Variants in ATP2C1 observed in about 807,000 individuals in gnomAD.
The protein encoded by ATP2C1 is ATPase secretory pathway Ca2+ transporting 1, also known as calcium-transporting ATPase type 2C member 1.
A neutral mutation model predicts 120.5 loss-of-function variants in ATP2C1; 31 were observed. That is an observed-to-expected ratio of 0.26 (90% CI 0.19 to 0.35). The LOEUF is 0.35. Among genes scored for constraint, ATP2C1 ranks in the 10% least tolerant of loss-of-function variants. The pLI, the probability that ATP2C1 is intolerant of heterozygous loss-of-function variation, is 1.00. For synonymous variants in ATP2C1, 351 were observed against 358.7 expected (o/e 0.98, Z 0.24); for missense variants, 731 against 1,107.5 (o/e 0.66, Z 4.83).
In ATP2C1 at chr3:130,959,218, G is replaced by T. The variant is rs2060712708; in HGVS notation, c.833-57G>T. 3.0e-6 allele frequency: 4 copies of T among 1,313,978 alleles called. 1 individual carries two copies. In the South Asian group the frequency reaches 4.8e-5, roughly 16 times the overall value. 81.4% of individuals were successfully genotyped at this position (1,313,978 alleles called of 1,614,324 possible). A position where few individuals can be genotyped will look rare whatever the true frequency, so the allele number is the denominator to read the frequency against. On this transcript the variant is annotated intron_variant, in intron 11 of 27. Transcript: ENST00000510168. ...GTTTTAGATTCCTTCAGCTTGTTCT[G>T]TTCCTTCTAGGTGATTGTATGTAAA...
intron 10 of ATP2C1, 55 bp downstream of exon 10, chr3:130,955,135 G>T (rs903483000): frequency 6.8e-6 from 8 of 1,177,930 alleles, no homozygotes; most frequent in Non-Finnish European, 8.9e-6. Flanking sequence ...ATTCTTCATT[G>T]TAAGTAGAGA....
chr3:130,955,827 C>T (rs1291330007), intron 10 of ATP2C1: 14 of 336,890 alleles, frequency 4.2e-5, no homozygotes, highest in South Asian at 4.0e-4. Flanking sequence ...GGAGGGAGAA[C>T]AGATTTTTCC....
intron 2 of ATP2C1, among the ~76,000 whole-genome samples, chr3:130,900,720 CATAA>C (rs1228527190): frequency 8.5e-5 from 13 of 152,198 alleles, no homozygotes; most frequent in Non-Finnish European, 1.9e-4. Flanking sequence ...TACATTAGTA[CATAA>C]ACGTTCTGTT....
At chr3:130,982,761 T>C (rs921011952) in intron 20 of ATP2C1, among the ~76,000 whole-genome samples, 1 of 152,198 alleles carries the variant, frequency 6.6e-6, no homozygotes, top group African/African-American at 2.4e-5. Context: ...ATGTCTATAC[T>C]TTTTTGATTA....
At chr3:131,007,402 A>G (rs1380593267), downstream of ATP2C1, among the ~76,000 whole-genome samples, 1 of 152,226 alleles carries the variant, frequency 6.6e-6, no homozygotes, top group Non-Finnish European at 1.5e-5. Context: ...CATGGCTGTT[A>G]GGCCTGACAG....
At chr3:131,011,457 A>G (rs2109029132) in intron 26 of ATP2C1, among the ~76,000 whole-genome samples, 1 of 152,372 alleles carries the variant, frequency 6.6e-6, no homozygotes, top group African/African-American at 2.4e-5. Flanking sequence ...TTCATTTGTT[A>G]GAACTGAATT....
At chr3:130,901,126 C>T (rs1431776806) in intron 2 of ATP2C1, among the ~76,000 whole-genome samples, 1 of 152,072 alleles carries the variant, frequency 6.6e-6, no homozygotes, top group East Asian at 1.9e-4. Context: ...GCATGCAAAC[C>T]ACTTTGTAGT....
intron 1 of ATP2C1, among the ~76,000 whole-genome samples, chr3:130,851,863 AT>A (rs1444058456): frequency 6.6e-6 from 1 of 152,108 alleles, no homozygotes; most frequent in African/African-American, 2.4e-5. Context: ...AGTGTCCTGT[AT>A]TTTTTTCTCC....
intron 12 of ATP2C1, 142 bp downstream of exon 12, chr3:130,959,483 A>C: frequency 1.8e-6 from 1 of 544,508 alleles, no homozygotes; most frequent in Non-Finnish European, 3.3e-6. Flanking sequence ...TTCAGAAGTC[A>C]TATATTAAAA....
chr3:130,990,235 A>G (rs2108863103), intron 20 of ATP2C1, among the ~76,000 whole-genome samples: 1 of 151,424 alleles, frequency 6.6e-6, no homozygotes, highest in East Asian at 2.0e-4. Context: ...GTCTTAGAAG[A>G]TAAATGAATA....
At position 130,969,394 on chromosome 3, in the gene ATP2C1, C is replaced by A. The variant is rs1390424925; in HGVS notation, c.1411C>A (p.Gln471Lys). Residue 471 changes from glutamine (Q) to lysine (K), a missense_variant and splice_region_variant, in exon 17 of 28, where the codon CAG becomes AAG. By Grantham distance (53) the Gln-to-Lys change is moderately conservative. Transcript: ENST00000510168. Reference sequence around the variant, plus strand: ...TGTTAAGTGTGTACACCGAACACAGCAGGTATCCATCTGTTTAAAGAATAC... The same window carrying A: ...TGTTAAGTGTGTACACCGAACACAGAAGGTATCCATCTGTTTAAAGAATAC... ...MAVKCVHRTQ[Q>K]DRPEICFMKG... The A allele has an allele frequency of 5.6e-6, 9 of 1,607,936 alleles. No homozygotes were observed. Among genetic ancestry groups the A allele is most frequent in the Non-Finnish European group, 7.7e-6 (9 of 1,174,582 alleles).
intron 1 of ATP2C1, among the ~76,000 whole-genome samples, chr3:130,863,061 A>G (rs559810438): frequency 3.9e-5 from 6 of 152,192 alleles, no homozygotes; most frequent in African/African-American, 4.8e-5. Flanking sequence ...TTGGCTTCCA[A>G]GAAAACCCAG....
At chr3:130,978,783 C>T (rs914919084) in intron 18 of ATP2C1, among the ~76,000 whole-genome samples, 4 of 152,148 alleles carry the variant, frequency 2.6e-5, no homozygotes, top group African/African-American at 7.2e-5. Flanking sequence ...ACAGCCTTCT[C>T]TTCAGAGTGT....
At chr3:130,962,010 A>G (rs1235650164) in intron 12 of ATP2C1, among the ~76,000 whole-genome samples, 4 of 152,062 alleles carry the variant, frequency 2.6e-5, no homozygotes, top group Admixed American at 6.6e-5. Flanking sequence ...CTTCCAGTTA[A>G]TCATTCTGCA....
At chr3:130,942,229 C>T (rs914172154) in intron 8 of ATP2C1, among the ~76,000 whole-genome samples, 1 of 152,176 alleles carries the variant, frequency 6.6e-6, no homozygotes, top group Non-Finnish European at 1.5e-5. Context: ...GTGTATGAAA[C>T]TCTGTTGGGA....
intron 26 of ATP2C1, chr3:131,014,376 C>T (rs1048818059): frequency 3.8e-5 from 61 of 1,596,682 alleles, no homozygotes; most frequent in Non-Finnish European, 5.1e-5. Flanking sequence ...CACCAGGCTT[C>T]CACTGTACAG....
upstream of ATP2C1, among the ~76,000 whole-genome samples, chr3:130,890,052 A>C (rs1400440775): frequency 6.6e-6 from 1 of 152,240 alleles, no homozygotes; most frequent in Non-Finnish European, 1.5e-5. Context: ...CATTCAACAA[A>C]AAATATTTAT....
intron 1 of ATP2C1, among the ~76,000 whole-genome samples, chr3:130,867,526 G>C (rs2685192): frequency 0.01 from 1,505 of 146,404 alleles, 18 homozygotes; most frequent in East Asian, 0.073. Context: ...TCCTAACCGC[G>C]AGTGATCCGC....
chr3:130,918,318 T>C lies in ATP2C1; in HGVS notation c.7-12098T>C, dbSNP rs138669692. The stretch of plus-strand genomic sequence containing the variant: ...CCTTTACAATAGATTTCACCTTCTT[T>C]TTCAGTCAGGAGTTGTTGATTCAAG... On this transcript the variant is annotated intron_variant, in intron 2 of 27. Coordinates refer to ENST00000510168, the MANE Select transcript of ATP2C1 (RefSeq NM_001378687.1). The C allele has an allele frequency of 1.5e-4, 237 of 1,564,998 alleles. No homozygotes were observed. In the East Asian group the frequency reaches 4.6e-3, roughly 30 times the overall value.
Sources: allele counts gnomAD v4.1 joint callset (sites outside exome capture counted in the v4.1 genomes callset), GRCh38; gene constraint gnomAD v4.1.1; transcripts MANE v1.5; gene names NCBI Gene and HGNC (gene_info 2026-07-23, HGNC 2026-07-21).